Variants in XXYLT1 observed in about 807,000 individuals in gnomAD.
XXYLT1 encodes the protein UDP-xylose:alpha-xyloside alpha-1,3-xylosyltransferase.
A neutral mutation model predicts 28.9 loss-of-function variants in XXYLT1; 20 were observed. The ratio of observed to expected loss-of-function variants is 0.69; its 90% CI spans 0.49 to 1.00. The LOEUF (loss-of-function observed/expected upper bound fraction) is 1.00, where lower values mean the gene tolerates loss of function less well. Ranked by LOEUF, XXYLT1 falls within the 50% of genes least tolerant of loss-of-function variation. The pLI is 0.00. For missense variants in XXYLT1, 542 were observed against 560.1 expected (o/e 0.97, Z 0.33); for synonymous variants, 257 against 253.8 (o/e 1.01, Z -0.12).
In XXYLT1 at chr3:195,119,121, C is replaced by A. The variant is rs1473027629; in HGVS notation, c.785+37328G>T. On this transcript the variant is annotated intron_variant, in intron 3 of 3. Transcript: ENST00000310380. The stretch of plus-strand genomic sequence containing the variant: ...TGAAACCCTGTCTCTACTAAAAATA[C>A]AAAAAAAAAAAAATTAGCTGGGTGT... Among the ~76,000 whole-genome samples the A allele has an allele frequency of 7.0e-3, 989 of 140,296 alleles. 5 individuals carry two copies. The highest frequency in any genetic ancestry group is 0.011 in the Non-Finnish European group (738 of 64,308). The allele number at this position is 140,296 out of a possible 152,430, so 92.0% of individuals were successfully genotyped here. A position where few individuals can be genotyped will look rare whatever the true frequency, so the allele number is the denominator to read the frequency against.
intron 2 of XXYLT1, among the ~76,000 whole-genome samples, chr3:195,197,502 C>A (rs1038665518): frequency 6.7e-6 from 1 of 149,698 alleles, no homozygotes; most frequent in African/African-American, 2.5e-5. Flanking sequence ...AGACTGAGAA[C>A]CAAATATTAG....
intron 3 of XXYLT1, among the ~76,000 whole-genome samples, chr3:195,071,634 A>C (rs6801456): frequency 0.29 from 44,182 of 152,066 alleles, 7,877 homozygotes; most frequent in East Asian, 0.62. Context: ...AAGCAAACTG[A>C]GATGCTGTCA....
rs1033232729 is a variant in XXYLT1, at chr3:195,180,629, G to A, written c.653-24048C>T. 108 of 873,720 alleles carry A rather than the reference G, an allele frequency of 1.2e-4. No individual in the cohort carries two copies. The highest frequency in any genetic ancestry group is 2.4e-4 in the East Asian group (2 of 8,242). 54.1% of individuals were successfully genotyped at this position (873,720 alleles called of 1,614,324 possible). A position where few individuals can be genotyped will look rare whatever the true frequency, so the allele number is the denominator to read the frequency against. On this transcript the variant is annotated intron_variant, in intron 2 of 3. Coordinates refer to ENST00000310380, the MANE Select transcript of XXYLT1 (RefSeq NM_152531.5). The surrounding 1 kb of genome is among the most constrained non-coding windows in gnomAD (Gnocchi z 5.8). ...CCCCGTCTGGCTAAGAGCACCAGAC[G>A]GCGGTGGCTGGAGCACCCCGTGCCA...
At chr3:195,099,343 T>C (rs1716636645) in intron 3 of XXYLT1, among the ~76,000 whole-genome samples, 1 of 152,166 alleles carries the variant, frequency 6.6e-6, no homozygotes, top group African/African-American at 2.4e-5. Context: ...CCAGGCATCA[T>C]GACCACAGAG....
intron 2 of XXYLT1, among the ~76,000 whole-genome samples, chr3:195,170,051 A>G (rs1000768297): frequency 6.6e-6 from 1 of 151,752 alleles, no homozygotes; most frequent in Non-Finnish European, 1.5e-5. Flanking sequence ...GGGTTTCTCC[A>G]TGTTGATCAG....
At chr3:195,182,075 T>C (rs1577117814) in intron 2 of XXYLT1, among the ~76,000 whole-genome samples, 1 of 152,202 alleles carries the variant, frequency 6.6e-6, no homozygotes, top group African/African-American at 2.4e-5. Context: ...CATTCACTCA[T>C]TGATCCAACA....
intron 1 of XXYLT1, among the ~76,000 whole-genome samples, chr3:195,245,740 C>G (rs1724995025): frequency 6.6e-6 from 1 of 152,202 alleles, no homozygotes; most frequent in Non-Finnish European, 1.5e-5. Flanking sequence ...GCACCATCTC[C>G]TTGGATGTGA....
chr3:195,126,871 T>G (rs994445615), intron 3 of XXYLT1, among the ~76,000 whole-genome samples: 18 of 152,206 alleles, frequency 1.2e-4, no homozygotes, highest in Admixed American at 1.2e-3. Flanking sequence ...GGAGGTGATT[T>G]GATTTTCTTG....
intron 1 of XXYLT1, among the ~76,000 whole-genome samples, chr3:195,232,899 G>C (rs577265746): frequency 1.9e-4 from 29 of 152,250 alleles, no homozygotes; most frequent in African/African-American, 5.1e-4. Context: ...GGTCCATTTC[G>C]TCTATGGTGC....
intron 2 of XXYLT1, among the ~76,000 whole-genome samples, chr3:195,164,256 C>T (rs1721007053): frequency 6.6e-6 from 1 of 152,230 alleles, no homozygotes; most frequent in South Asian, 2.1e-4. Flanking sequence ...GAACTAAGTC[C>T]ATGTCACTGG....
intron 3 of XXYLT1, among the ~76,000 whole-genome samples, chr3:195,127,665 T>G (rs2108624311): frequency 6.6e-6 from 1 of 152,016 alleles, no homozygotes; most frequent in Admixed American, 6.6e-5. Flanking sequence ...TAGACCCAGC[T>G]ACTTGGGAGG....
At chr3:195,184,101 T>C (rs1404975976) in intron 2 of XXYLT1, among the ~76,000 whole-genome samples, 1 of 152,194 alleles carries the variant, frequency 6.6e-6, no homozygotes, top group Non-Finnish European at 1.5e-5. Context: ...TTAAACTCAT[T>C]TAATCAGCAT....
At chr3:195,135,674 AC>A (rs1719156215) in intron 3 of XXYLT1, among the ~76,000 whole-genome samples, 1 of 152,228 alleles carries the variant, frequency 6.6e-6, no homozygotes, top group Non-Finnish European at 1.5e-5. Context: ...GGTTCCTGTG[AC>A]TGAAGGGGCA....
At chr3:195,095,305 T>C (rs949267941) in intron 3 of XXYLT1, 4 of 153,574 alleles carry the variant, frequency 2.6e-5, no homozygotes, top group African/African-American at 9.6e-5. Flanking sequence ...GTGGCGGTGG[T>C]GAGTGTAATG....
chr3:195,260,769 A>G (rs1577208253), intron 1 of XXYLT1, among the ~76,000 whole-genome samples: 1 of 152,184 alleles, frequency 6.6e-6, no homozygotes, highest in African/African-American at 2.4e-5. Context: ...TTTCTGGCCC[A>G]GGGTATCAGC....
intron 3 of XXYLT1, among the ~76,000 whole-genome samples, chr3:195,075,898 G>A (rs1302264256): frequency 6.6e-6 from 1 of 152,168 alleles, no homozygotes; most frequent in Admixed American, 6.5e-5. Flanking sequence ...GGGCACTGGG[G>A]TTGGCCCTCA....
intron 3 of XXYLT1, among the ~76,000 whole-genome samples, chr3:195,148,350 G>C: frequency 6.6e-6 from 1 of 152,148 alleles, no homozygotes; most frequent in East Asian, 1.9e-4. Context: ...TAACTCCCAG[G>C]GAGTGAAGGA....
At chr3:195,235,909 CATAG>C (rs1724518483) in intron 1 of XXYLT1, among the ~76,000 whole-genome samples, 1 of 129,020 alleles carries the variant, frequency 7.8e-6, no homozygotes, top group Non-Finnish European at 1.6e-5. Context: ...TAGACATAGA[CATAG>C]ACATAGACAT....
At chr3:195,136,468 G>C (rs546240857) in intron 3 of XXYLT1, among the ~76,000 whole-genome samples, 1 of 152,082 alleles carries the variant, frequency 6.6e-6, no homozygotes, top group Non-Finnish European at 1.5e-5. Context: ...GGACCTCAGG[G>C]GCAGAGGGGA....
Sources: gnomAD v4.1 joint callset for allele counts (sites outside exome capture counted in the v4.1 genomes callset) on GRCh38, gnomAD v4.1.1 for gene constraint, Gnocchi (gnomAD v3.1) non-coding constraint, MANE v1.5 for transcripts, NCBI Gene and HGNC (gene_info 2026-07-23, HGNC 2026-07-21) for gene names.